The following CPEB2 variants were observed in gnomAD, a reference collection of about 807,000 sequenced individuals.
The protein encoded by CPEB2 is cytoplasmic polyadenylation element-binding protein 2.
A neutral mutation model predicts 93.6 loss-of-function variants in CPEB2; 56 were observed. That is an observed-to-expected ratio of 0.60 (90% CI 0.48 to 0.75). CPEB2 has a LOEUF of 0.75. Ranked by LOEUF, CPEB2 falls within the 30% of genes least tolerant of loss-of-function variation. CPEB2 has a pLI of 0.00. For missense variants in CPEB2, 1,579 were observed against 1,395.1 expected (o/e 1.13, Z -2.10); for synonymous variants, 764 against 586.3 (o/e 1.30, Z -4.38).
intron 4 of CPEB2, among the ~76,000 whole-genome samples, chr4:15,029,159 T>C (rs1318362326): frequency 2.0e-5 from 3 of 152,248 alleles, no homozygotes; most frequent in South Asian, 4.1e-4. Context: ...ATCACATTTG[T>C]GCGGATTCAA....
chr4:15,050,149 A>G (rs901314457), intron 6 of CPEB2, among the ~76,000 whole-genome samples: 1 of 152,200 alleles, frequency 6.6e-6, no homozygotes, highest in African/African-American at 2.4e-5. Context: ...GCAGGAGGTG[A>G]GTGGAGGGCA....
chr4:15,061,736 T>C (rs1729206518), intron 10 of CPEB2, among the ~76,000 whole-genome samples: 1 of 145,286 alleles, frequency 6.9e-6, no homozygotes, highest in Non-Finnish European at 1.5e-5. Flanking sequence ...AAGGGGAGAA[T>C]TGCTGAAGCA....
chr4:15,046,114 G>A (rs1322992492), intron 6 of CPEB2, among the ~76,000 whole-genome samples: 1 of 152,150 alleles, frequency 6.6e-6, no homozygotes, highest in Non-Finnish European at 1.5e-5. Flanking sequence ...TCTCTTGGAT[G>A]TATAAGTAAA....
intron 5 of CPEB2, among the ~76,000 whole-genome samples, chr4:15,036,670 G>T (rs1328331317): frequency 6.6e-6 from 1 of 152,050 alleles, no homozygotes; most frequent in African/African-American, 2.4e-5. Flanking sequence ...AGTACGTAAC[G>T]TTTTTCAAGA....
intron 5 of CPEB2, among the ~76,000 whole-genome samples, chr4:15,038,411 T>C (rs756149384): frequency 6.6e-6 from 1 of 152,190 alleles, no homozygotes. Context: ...GCTTTGTAAA[T>C]GTTCAATTCT....
chr4:15,028,602 G>GA (rs1316446425), intron 4 of CPEB2, among the ~76,000 whole-genome samples: 3 of 152,104 alleles, frequency 2.0e-5, no homozygotes, highest in Non-Finnish European at 4.4e-5. Context: ...GTACTATGCA[G>GA]AAAAAATATA....
chr4:15,002,815 C>T lies in CPEB2; in HGVS notation c.142C>T (p.Leu48=). Residue 48 remains leucine (L), a synonymous_variant, in exon 1 of 12, where the codon CTG becomes TTG. Coordinates refer to ENST00000538197, the MANE Select transcript of CPEB2 (RefSeq NM_001177382.2). ...GCCCTCCGCCACGCCCTTCGGCCCA[C>T]TGTCGCCACCACCGTTGCCTGTCAC... ...PLPSATPFGP[L]SPPPLPVTGF... 1 of 1,535,440 alleles carries T rather than the reference C, an allele frequency of 6.5e-7. No homozygotes were observed. The highest frequency in any genetic ancestry group is 8.7e-7 in the Non-Finnish European group (1 of 1,146,642).
At chr4:15,046,232 T>A (rs1327973753) in intron 6 of CPEB2, among the ~76,000 whole-genome samples, 1 of 152,180 alleles carries the variant, frequency 6.6e-6, no homozygotes, top group African/African-American at 2.4e-5. Context: ...GTTGGCCTTT[T>A]TTTTTTGAGA....
chr4:15,058,488 A>C lies in CPEB2; in HGVS notation c.2529A>C (p.Glu843Asp), dbSNP rs764893225. ...VQALIDACIE[E>D]DGKLYLCVSS... is the part of the protein sequence containing the mutation. Reference sequence around the variant, plus strand: ...CACTCATTGATGCTTGTATTGAAGAAGATGGAAAACTCTATCTGTGTGTTT... The same window carrying C: ...CACTCATTGATGCTTGTATTGAAGACGATGGAAAACTCTATCTGTGTGTTT... The change falls in exon 9 of 12, where the codon GAA becomes GAC. Residue 843 changes from glutamate to aspartate, a missense_variant. Glu to Asp is a conservative substitution (Grantham distance 45). Around this residue, in one of 2 missense-constraint regions of CPEB2, gnomAD observed 168 missense variants for 339.1 expected, o/e 0.50. Coordinates refer to ENST00000538197, the MANE Select transcript of CPEB2 (RefSeq NM_001177382.2). 1.2e-6 allele frequency: 2 copies of C among 1,613,118 alleles called. No homozygotes were observed. The highest frequency in any genetic ancestry group is 8.5e-7 in the Non-Finnish European group (1 of 1,179,198).
intron 5 of CPEB2, among the ~76,000 whole-genome samples, chr4:15,037,340 A>G (rs894766867): frequency 6.6e-5 from 10 of 152,178 alleles, no homozygotes; most frequent in Non-Finnish European, 1.5e-4. Flanking sequence ...ATTTAGTAGC[A>G]TGGTTCTCTC....
At chr4:15,044,007 C>G (rs1457040789) in intron 6 of CPEB2, among the ~76,000 whole-genome samples, 1 of 152,066 alleles carries the variant, frequency 6.6e-6, no homozygotes. Context: ...GTGAAGTACC[C>G]AGGGTAACTG....
At position 15,003,401 on chromosome 4, in the gene CPEB2, A is replaced by G; in HGVS notation, c.728A>G (p.His243Arg). The G allele has an allele frequency of 7.3e-7, 1 of 1,365,864 alleles. No homozygotes were observed. The highest frequency in any genetic ancestry group is 9.3e-7 in the Non-Finnish European group (1 of 1,070,554). 84.6% of individuals were successfully genotyped at this position (1,365,864 alleles called of 1,614,324 possible). ...PQQFSLLHQQ[H>R]LSPQDFAPRQ... ...CAGTTCAGCCTCCTGCATCAGCAGC[A>G]CCTCTCGCCGCAGGACTTCGCCCCG... The change falls in exon 1 of 12, where the codon CAC (histidine) becomes CGC (arginine). Residue 243 changes from histidine (H) to arginine (R), a missense_variant. Around this residue, in one of 2 missense-constraint regions of CPEB2, gnomAD observed 1,411 missense variants for 1,056.0 expected, o/e 1.34. Coordinates refer to ENST00000538197, the MANE Select transcript of CPEB2 (RefSeq NM_001177382.2).
At chr4:15,004,554 G>T (rs148046273) in intron 1 of CPEB2, among the ~76,000 whole-genome samples, 1 of 152,240 alleles carries the variant, frequency 6.6e-6, no homozygotes, top group African/African-American at 2.4e-5. Flanking sequence ...ACCGTGGGCT[G>T]TGGGGGCGTG....
chr4:15,068,883 C>T lies in CPEB2; in HGVS notation c.*2503C>T, dbSNP rs1197180539. The T allele has an allele frequency of 6.6e-6, 1 of 151,940 alleles. No homozygotes were observed. The highest frequency in any genetic ancestry group is 1.5e-5 in the Non-Finnish European group (1 of 67,718). 9.4% of individuals were successfully genotyped at this position (151,940 alleles called of 1,614,324 possible). A position where few individuals can be genotyped will look rare whatever the true frequency, so the allele number is the denominator to read the frequency against. ...AAGCTTATTAGTCTAATGTTTTGTT[C>T]CTTTCCCACCTCACCCCTACCTCTT... On this transcript the variant is annotated 3_prime_UTR_variant, in exon 12 of 12. Transcript: ENST00000538197.
Position 15,054,230 on chromosome 4 carries a change from ATTG to A in CPEB2, c.2461+16_2461+18del. On this transcript the variant is annotated intron_variant, in intron 8 of 11. Transcript: ENST00000538197. The stretch of plus-strand genomic sequence containing the variant: ...TTTCCACCAAAAGGTAAGGATTGTT[ATTG>A]TTAATATTTGCTAGGAAATTGGTTG... 6.3e-7 allele frequency: 1 copy of A among 1,579,112 alleles called. No individual in the cohort carries two copies. Among genetic ancestry groups the A allele is most frequent in the Non-Finnish European group, 8.7e-7 (1 of 1,153,542 alleles).
At chr4:15,038,049 A>C (rs893327393) in intron 5 of CPEB2, among the ~76,000 whole-genome samples, 2 of 152,334 alleles carry the variant, frequency 1.3e-5, no homozygotes, top group East Asian at 3.9e-4. Context: ...AATAGGAAAT[A>C]TTTCACATGG....
At chr4:15,015,141 A>G (rs1369637659) in intron 3 of CPEB2, among the ~76,000 whole-genome samples, 3 of 152,060 alleles carry the variant, frequency 2.0e-5, no homozygotes, top group East Asian at 1.9e-4. Flanking sequence ...TCACCTGGGA[A>G]CTTGTTAGAA....
chr4:15,020,877 T>C (rs1476812619), intron 4 of CPEB2, among the ~76,000 whole-genome samples: 1 of 151,890 alleles, frequency 6.6e-6, no homozygotes, highest in African/African-American at 2.4e-5. Flanking sequence ...GATTATGAGG[T>C]GTTTAGAGAG....
chr4:15,054,258 G>A, intron 8 of CPEB2, 41 bp downstream of exon 8: 8 of 1,398,860 alleles, frequency 5.7e-6, no homozygotes, highest in Non-Finnish European at 8.0e-6. Flanking sequence ...GAAATTGGTT[G>A]TATGAGAGCA....
Sources: allele counts gnomAD v4.1 joint callset (sites outside exome capture counted in the v4.1 genomes callset), GRCh38; gene constraint gnomAD v4.1.1; regional missense constraint gnomAD v4.1.1; transcripts MANE v1.5; gene names NCBI Gene and HGNC (gene_info 2026-07-23, HGNC 2026-07-21).